The following SIN3A variants were observed in gnomAD, a reference collection of about 807,000 sequenced individuals.
SIN3A encodes the protein SIN3 transcription regulator family member A.
Under a neutral mutation model 146.1 loss-of-function variants are expected in SIN3A, and 14 were observed. That is an observed-to-expected ratio of 0.10 (90% CI 0.06 to 0.15). The LOEUF (loss-of-function observed/expected upper bound fraction) is 0.15, where lower values mean the gene tolerates loss of function less well. Ranked by LOEUF, SIN3A falls within the 10% of genes least tolerant of loss-of-function variation. The pLI is 1.00. For missense variants in SIN3A, 1,028 were observed against 1,576.0 expected (o/e 0.65, Z 5.89); for synonymous variants, 572 against 572.0 (o/e 1.00, Z 0.00).
chr15:75,430,943 T>A (rs1427574819), intron 1 of SIN3A, among the ~76,000 whole-genome samples: 2 of 152,080 alleles, frequency 1.3e-5, no homozygotes, highest in African/African-American at 4.8e-5. Flanking sequence ...ACCCGGCTAC[T>A]TTTTTTGCAT....
chr15:75,380,287 T>C (rs1190148826), intron 19 of SIN3A, among the ~76,000 whole-genome samples: 2 of 152,240 alleles, frequency 1.3e-5, no homozygotes, highest in Non-Finnish European at 2.9e-5. Context: ...CTTTTCGCTT[T>C]GCTGATTCTG....
intron 19 of SIN3A, among the ~76,000 whole-genome samples, chr15:75,378,908 A>ATC (rs1310971287): frequency 6.9e-6 from 1 of 144,596 alleles, no homozygotes; most frequent in African/African-American, 2.5e-5. Context: ...ATATATATAT[A>ATC]TTTTATTTTT....
chr15:75,399,961 A>C (rs2073380300), intron 12 of SIN3A, 79 bp downstream of exon 12: 9 of 801,224 alleles, frequency 1.1e-5, no homozygotes, highest in Admixed American at 1.0e-4. Flanking sequence ...CCATCTTAAT[A>C]ACCCTCAGAG....
intron 1 of SIN3A, among the ~76,000 whole-genome samples, chr15:75,441,614 C>T (rs982067726): frequency 3.9e-5 from 6 of 152,156 alleles, no homozygotes; most frequent in African/African-American, 9.7e-5. Context: ...CACACCACCA[C>T]GCTTGGCTTC....
chr15:75,373,600 T>C (rs1454376113), intron 20 of SIN3A, among the ~76,000 whole-genome samples: 3 of 152,104 alleles, frequency 2.0e-5, no homozygotes, highest in African/African-American at 7.2e-5. Context: ...TTTCTCTAAC[T>C]TACTTTATTG....
At chr15:75,389,438 G>A (rs899264816) in intron 16 of SIN3A, among the ~76,000 whole-genome samples, 1 of 152,162 alleles carries the variant, frequency 6.6e-6, no homozygotes, top group African/African-American at 2.4e-5. Context: ...TCTACAGGTG[G>A]CCAGCAAGAA....
Position 75,442,120 on chromosome 15 carries a change from C to CAAAA in SIN3A, c.-34+9299_-34+9302dup, listed in dbSNP as rs57418865. ...GGGTAACAAGAGTGAGACTCTGTCT[C>CAAAA]AAAAAAAAAAAAAAAAAAAAAAAAA... On this transcript the variant is annotated intron_variant, in intron 1 of 20. Transcript: ENST00000394947. Among the ~76,000 whole-genome samples the CAAAA allele has an allele frequency of 9.8e-3, 286 of 29,286 alleles. 30 individuals carry two copies. Among genetic ancestry groups the CAAAA allele is most frequent in the Non-Finnish European group, 0.01 (196 of 18,704 alleles). The allele number at this position is 29,286 out of a possible 152,430, so 19.2% of individuals were successfully genotyped here.
chr15:75,455,680 C>A (rs924554451), upstream of SIN3A: 1 of 152,216 alleles, frequency 6.6e-6, no homozygotes, highest in African/African-American at 2.4e-5. Context: ...GTCCCAGGGC[C>A]CGCAGGGCCC....
chr15:75,396,759 T>C (rs1282867891), intron 12 of SIN3A, among the ~76,000 whole-genome samples: 1 of 152,122 alleles, frequency 6.6e-6, no homozygotes, highest in Non-Finnish European at 1.5e-5. Flanking sequence ...CAGGATGAAG[T>C]TGGATAAATG....
At chr15:75,402,953 T>C (rs1302083644) in intron 9 of SIN3A, among the ~76,000 whole-genome samples, 1 of 152,082 alleles carries the variant, frequency 6.6e-6, no homozygotes, top group East Asian at 1.9e-4. Context: ...AGGAGTCATT[T>C]TTAAAAGAAA....
At chr15:75,447,670 T>C (rs143681627) in intron 1 of SIN3A, 7 of 152,158 alleles carry the variant, frequency 4.6e-5, no homozygotes, top group Non-Finnish European at 1.0e-4. Context: ...CAAAAACTCT[T>C]GCATTTCAGA....
Position 75,384,319 on chromosome 15 carries a change from T to G in SIN3A, c.3140A>C (p.Glu1047Ala). 1 of 1,613,694 alleles carries G rather than the reference T, an allele frequency of 6.2e-7. No homozygotes were observed. The highest frequency in any genetic ancestry group is 8.5e-7 in the Non-Finnish European group (1 of 1,179,742). ...LNTQNSRSLL[E>A]STYQRKAEQL... is the part of the protein sequence containing the mutation. ...CTCAGCTTTCCGCTGATACGTTGAC[T>G]CCAGGAGGCTCCTTGAGTTCTGTGT... is the stretch of plus-strand genomic sequence containing the variant. Residue 1047 changes from glutamate (E) to alanine (A), a missense_variant, in exon 17 of 21, where the codon GAG (glutamate) becomes GCG (alanine). Around this residue, in one of 9 missense-constraint regions of SIN3A, gnomAD observed 488 missense variants for 690.2 expected, o/e 0.71. Transcript: ENST00000394947.
At chr15:75,373,557 G>A (rs763347794) in intron 20 of SIN3A, among the ~76,000 whole-genome samples, 2 of 152,010 alleles carry the variant, frequency 1.3e-5, no homozygotes, top group African/African-American at 2.4e-5. Context: ...AAGAGTAAAT[G>A]TATCTTCTCT....
rs371714083 is a variant in SIN3A at position 75,375,830 on chromosome 15, C to A, written c.3426G>T (p.Gln1142His). Residue 1142 changes from glutamine to histidine, a missense_variant, in exon 20 of 21, where the codon CAG (glutamine) becomes CAT (histidine). Gln to His is a conservative substitution (Grantham distance 24, BLOSUM62 0). Around this residue, in one of 9 missense-constraint regions of SIN3A, gnomAD observed 488 missense variants for 690.2 expected, o/e 0.71. Transcript: ENST00000394947. ...TTCCTTCCTTCCCTTCCTTTTCCTG[C>A]TGCTCTCGACCACGTTGACACTTCC... is the stretch of plus-strand genomic sequence containing the variant. ...RIRKCQRGRE[Q>H]QEKEGKEGNS... 29 of 1,614,170 alleles carry A rather than the reference C, an allele frequency of 1.8e-5. No homozygotes were observed. The South Asian group carries it at 1.9e-4, about 10-fold the overall frequency.
At chr15:75,382,237 G>C (rs937534875) in intron 17 of SIN3A, among the ~76,000 whole-genome samples, 2 of 152,204 alleles carry the variant, frequency 1.3e-5, no homozygotes, top group African/African-American at 4.8e-5. Context: ...TATACATGCA[G>C]AGCCAGAAGC....
At chr15:75,409,273 T>C (rs188442861) in intron 8 of SIN3A, among the ~76,000 whole-genome samples, 160 of 151,930 alleles carry the variant, frequency 1.1e-3, no homozygotes, top group Non-Finnish European at 1.4e-3. Context: ...ATTAAAGAAA[T>C]GACAGCTCAT....
chr15:75,426,861 G>A (rs1215167229), intron 2 of SIN3A, among the ~76,000 whole-genome samples: 1 of 152,090 alleles, frequency 6.6e-6, no homozygotes, highest in Non-Finnish European at 1.5e-5. Context: ...GAGCCCAGGA[G>A]GTGAAGGGTG....
At chr15:75,435,527 G>C (rs1159712747) in intron 1 of SIN3A, among the ~76,000 whole-genome samples, 1 of 151,984 alleles carries the variant, frequency 6.6e-6, no homozygotes, top group African/African-American at 2.4e-5. Flanking sequence ...GAGAAACCCT[G>C]TCTCTACTAA....
Position 75,396,573 on chromosome 15 carries a change from T to A in SIN3A, c.1855-77A>T, listed in dbSNP as rs563106731. On this transcript the variant is annotated intron_variant, in intron 12 of 20. Transcript: ENST00000394947. ...TAGAGTAGTGTTTAGAAGAATAAGGTAGGGAGTCAAACTCCTTGGATTTGA... is the reference window on the plus strand; with the variant it reads ...TAGAGTAGTGTTTAGAAGAATAAGGAAGGGAGTCAAACTCCTTGGATTTGA... 5 of 1,072,788 alleles carry A rather than the reference T, an allele frequency of 4.7e-6. No individual in the cohort carries two copies. In the African/African-American group the frequency reaches 7.9e-5, roughly 17 times the overall value. 66.5% of individuals were successfully genotyped at this position (1,072,788 alleles called of 1,614,324 possible).
Sources: allele counts gnomAD v4.1 joint callset (sites outside exome capture counted in the v4.1 genomes callset), GRCh38; gene constraint gnomAD v4.1.1; regional missense constraint gnomAD v4.1.1; transcripts MANE v1.5; gene names NCBI Gene and HGNC (gene_info 2026-07-23, HGNC 2026-07-21).